Variants in SCEL observed in about 807,000 individuals in gnomAD.
The protein encoded by SCEL is sciellin.
A neutral mutation model predicts 117.6 loss-of-function variants in SCEL; 113 were observed. The ratio of observed to expected loss-of-function variants is 0.96; its 90% CI spans 0.83 to 1.12. The LOEUF (loss-of-function observed/expected upper bound fraction) is 1.12, where lower values mean the gene tolerates loss of function less well. Among genes scored for constraint, SCEL ranks in the 50% most tolerant of loss-of-function variants. The pLI, the probability that SCEL is intolerant of heterozygous loss-of-function variation, is 0.00. For synonymous variants in SCEL, 270 were observed against 256.2 expected, an observed-to-expected ratio of 1.05 and a Z score of -0.51; for missense variants, 785 against 810.8, an observed-to-expected ratio of 0.97 and a Z score of 0.39.
intron 20 of SCEL, among the ~76,000 whole-genome samples, chr13:77,608,476 T>A (rs1161983792): frequency 1.1e-4 from 17 of 152,124 alleles, no homozygotes; most frequent in Admixed American, 1.1e-3. Flanking sequence ...GGAGTGCACC[T>A]ATAGTCCCAG....
chr13:77,565,234 A>G (rs894183381), intron 5 of SCEL, among the ~76,000 whole-genome samples: 1 of 152,124 alleles, frequency 6.6e-6, no homozygotes, highest in Non-Finnish European at 1.5e-5. Context: ...ATAAATTAGT[A>G]CCACTGAGTG....
At chr13:77,640,622 C>A in intron 30 of SCEL, 54 bp from the exon 31 acceptor site, 2 of 828,260 alleles carry the variant, frequency 2.4e-6, no homozygotes, top group Admixed American at 2.4e-5. Context: ...ATAGGGAATA[C>A]ATCTGTCTTC....
intron 5 of SCEL, among the ~76,000 whole-genome samples, chr13:77,564,642 G>A (rs931520260): frequency 6.6e-6 from 1 of 152,120 alleles, no homozygotes; most frequent in Non-Finnish European, 1.5e-5. Context: ...GGCACCATAA[G>A]TACCCAAAGC....
chr13:77,567,618 G>A (rs2085360327), intron 5 of SCEL, 62 bp from the exon 6 acceptor site: 5 of 1,141,018 alleles, frequency 4.4e-6, no homozygotes, highest in Non-Finnish European at 6.6e-6. Context: ...CATGAAAATG[G>A]TCTGAAAGGA....
intron 9 of SCEL, among the ~76,000 whole-genome samples, chr13:77,586,903 T>C (rs148471629): frequency 4.6e-5 from 7 of 152,304 alleles, no homozygotes; most frequent in African/African-American, 1.4e-4. Context: ...ATAATACTTA[T>C]GTCTGGGATT....
intron 28 of SCEL, among the ~76,000 whole-genome samples, chr13:77,629,211 G>A (rs373025779): frequency 1.5e-4 from 23 of 152,190 alleles, no homozygotes; most frequent in East Asian, 5.8e-4. Context: ...TTGGGAGATT[G>A]TCCATTCTTG....
At chr13:77,571,431 G>A (rs1280260237) in intron 8 of SCEL, among the ~76,000 whole-genome samples, 1 of 150,498 alleles carries the variant, frequency 6.6e-6, no homozygotes, top group African/African-American at 2.4e-5. Flanking sequence ...GCTCATGCCT[G>A]TAATCCCAGC....
In SCEL at chr13:77,556,655, A is replaced by C; in HGVS notation, c.103A>C (p.Lys35Gln). The C allele has an allele frequency of 6.2e-7, 1 of 1,614,160 alleles. No individual in the cohort carries two copies. The change falls in exon 3 of 33, where the codon AAA becomes CAA. Residue 35 changes from lysine (K) to glutamine (Q), a missense_variant. Transcript: ENST00000349847. ...RKQQDFHEVNKRRTFLQDNSW... is the reference protein window; with the variant it reads ...RKQQDFHEVNQRRTFLQDNSW... ...GCAGCAGGATTTTCACGAGGTGAAC[A>C]AAAGAAGAACTTTCTTACAGGATAA...
intron 24 of SCEL, among the ~76,000 whole-genome samples, chr13:77,615,013 C>T (rs1165022288): frequency 6.6e-6 from 1 of 151,954 alleles, no homozygotes; most frequent in African/African-American, 2.4e-5. Flanking sequence ...GATGTTACAC[C>T]AAGACAATAA....
At chr13:77,558,148 A>T (rs1433239571) in intron 3 of SCEL, among the ~76,000 whole-genome samples, 1 of 152,218 alleles carries the variant, frequency 6.6e-6, no homozygotes, top group Non-Finnish European at 1.5e-5. Context: ...ATTTACACAG[A>T]CGAGTGACGA....
At chr13:77,614,018 G>T in intron 24 of SCEL, 63 bp downstream of exon 24, 1 of 1,297,130 alleles carries the variant, frequency 7.7e-7, no homozygotes, top group South Asian at 1.2e-5. Context: ...TAATAGAAAT[G>T]ATTTAGAATT....
At chr13:77,561,936 G>A (rs2085002590) in intron 4 of SCEL, among the ~76,000 whole-genome samples, 1 of 152,214 alleles carries the variant, frequency 6.6e-6, no homozygotes, top group Non-Finnish European at 1.5e-5. Context: ...GCTGGCATGA[G>A]TGGGGTCTGA....
chr13:77,614,302 G>C (rs1275902670), intron 24 of SCEL, among the ~76,000 whole-genome samples: 1 of 152,016 alleles, frequency 6.6e-6, no homozygotes, highest in Non-Finnish European at 1.5e-5. Context: ...TTTATTAATG[G>C]TAGTTAATTT....
intron 10 of SCEL, among the ~76,000 whole-genome samples, chr13:77,590,216 C>G (rs966133358): frequency 6.6e-6 from 1 of 151,990 alleles, no homozygotes; most frequent in Admixed American, 6.6e-5. Flanking sequence ...GGCAGCAGGA[C>G]CATGTAGCAA....
At chr13:77,607,212 C>T (rs998895114) in intron 19 of SCEL, among the ~76,000 whole-genome samples, 6 of 151,420 alleles carry the variant, frequency 4.0e-5, no homozygotes, top group Admixed American at 6.6e-5. Context: ...CCATTCCAGG[C>T]TAATTAAAAA....
At chr13:77,617,215 A>G (rs751775820) in intron 24 of SCEL, among the ~76,000 whole-genome samples, 2 of 152,074 alleles carry the variant, frequency 1.3e-5, no homozygotes, top group African/African-American at 2.4e-5. Context: ...ATAATCCTCA[A>G]TTTAGAGTTT....
chr13:77,558,421 C>G (rs17067899), intron 3 of SCEL, among the ~76,000 whole-genome samples: 1 of 152,038 alleles, frequency 6.6e-6, no homozygotes, highest in East Asian at 1.9e-4. Context: ...AAAGTTCTCT[C>G]GGGGTCTTTG....
intron 4 of SCEL, among the ~76,000 whole-genome samples, chr13:77,562,091 G>C (rs1321890860): frequency 6.6e-6 from 1 of 152,162 alleles, no homozygotes; most frequent in Admixed American, 6.5e-5. Context: ...GCACCTGTAG[G>C]AGGCCTCCTG....
At chr13:77,622,608 T>C (rs9544557) in intron 27 of SCEL, among the ~76,000 whole-genome samples, 1,821 of 152,286 alleles carry the variant, frequency 0.012, 22 homozygotes, top group Non-Finnish European at 0.021. Flanking sequence ...GTACCTGTAA[T>C]TCTGGTACTT....
Sources: allele counts gnomAD v4.1 joint callset (sites outside exome capture counted in the v4.1 genomes callset), GRCh38; gene constraint gnomAD v4.1.1; transcripts MANE v1.5; gene names NCBI Gene and HGNC (gene_info 2026-07-23, HGNC 2026-07-21).